The following SLC49A4 variants were observed in gnomAD, a reference collection of about 807,000 sequenced individuals.
SLC49A4 encodes disrupted in renal cancer protein 2.
In SLC49A4, 36 loss-of-function variants were observed where a neutral mutation model predicts 50.6. The ratio of observed to expected loss-of-function variants is 0.71; its 90% CI spans 0.55 to 0.94. The LOEUF (loss-of-function observed/expected upper bound fraction) is 0.94, where lower values mean the gene tolerates loss of function less well. SLC49A4 is among the 40% of genes least tolerant of loss of function. SLC49A4 has a pLI of 0.00. For missense variants in SLC49A4, 503 were observed against 605.7 expected, an observed-to-expected ratio of 0.83 and a Z score of 1.78; for synonymous variants, 248 against 241.2, an observed-to-expected ratio of 1.03 and a Z score of -0.26.
intron 3 of SLC49A4, among the ~76,000 whole-genome samples, chr3:122,830,973 A>G (rs922982498): frequency 1.3e-5 from 2 of 152,158 alleles, no homozygotes; most frequent in African/African-American, 4.8e-5. Flanking sequence ...AAAGGACTCA[A>G]ACACATTTCT....
At chr3:122,876,905 G>A (rs1937274151) in intron 8 of SLC49A4, among the ~76,000 whole-genome samples, 1 of 152,198 alleles carries the variant, frequency 6.6e-6, no homozygotes, top group South Asian at 2.1e-4. Context: ...TCCGACTGCT[G>A]TGTAGTAGAC....
At chr3:122,856,468 G>T in intron 6 of SLC49A4, 94 bp downstream of exon 6, 1 of 1,202,086 alleles carries the variant, frequency 8.3e-7, no homozygotes. Flanking sequence ...ACAATTCAGG[G>T]AAAAGTAAAA....
At chr3:122,876,874 A>C (rs1937273865) in intron 8 of SLC49A4, among the ~76,000 whole-genome samples, 1 of 152,202 alleles carries the variant, frequency 6.6e-6, no homozygotes, top group South Asian at 2.1e-4. Context: ...TGTCTAAACT[A>C]TAAGTTGGCA....
chr3:122,816,083 ATT>A (rs1429164546), intron 2 of SLC49A4, among the ~76,000 whole-genome samples: 2 of 152,010 alleles, frequency 1.3e-5, no homozygotes, highest in Admixed American at 6.6e-5. Flanking sequence ...CCCATCCCAG[ATT>A]TTCTCAATTT....
intron 4 of SLC49A4, among the ~76,000 whole-genome samples, chr3:122,843,288 C>A (rs1194570427): frequency 2.0e-5 from 3 of 151,608 alleles, no homozygotes; most frequent in Non-Finnish European, 4.4e-5. Flanking sequence ...CCCCATAAGT[C>A]GGTATCAACA....
chr3:122,796,607 C>T (rs746593289), intron 1 of SLC49A4, among the ~76,000 whole-genome samples: 8 of 152,170 alleles, frequency 5.3e-5, no homozygotes, highest in Non-Finnish European at 7.3e-5. Flanking sequence ...TTAGGGAATC[C>T]CTCTGAGGTC....
intron 5 of SLC49A4, 43 bp downstream of exon 5, chr3:122,845,914 A>G (rs1288566606): frequency 1.4e-6 from 2 of 1,419,292 alleles, no homozygotes; most frequent in African/African-American, 2.9e-5. Context: ...ATTTTTGTTC[A>G]TTTAATTTAT....
At chr3:122,813,042 G>A (rs2107559757) in intron 2 of SLC49A4, among the ~76,000 whole-genome samples, 1 of 152,214 alleles carries the variant, frequency 6.6e-6, no homozygotes, top group East Asian at 1.9e-4. Flanking sequence ...CTGAGGTCAG[G>A]AGTTTAAGAC....
At chr3:122,864,431 G>A (rs556986580) in intron 7 of SLC49A4, among the ~76,000 whole-genome samples, 3 of 152,192 alleles carry the variant, frequency 2.0e-5, no homozygotes, top group Non-Finnish European at 4.4e-5. Context: ...AAGTCATTTT[G>A]TACTGAACAG....
intron 2 of SLC49A4, among the ~76,000 whole-genome samples, chr3:122,822,290 T>C (rs571872397): frequency 1.3e-5 from 2 of 152,356 alleles, no homozygotes; most frequent in South Asian, 4.1e-4. Context: ...CTTTCATAAG[T>C]GCTTAGAAAG....
At chr3:122,848,032 A>C (rs966557362) in intron 5 of SLC49A4, among the ~76,000 whole-genome samples, 1 of 152,252 alleles carries the variant, frequency 6.6e-6, no homozygotes, top group Non-Finnish European at 1.5e-5. Flanking sequence ...GGATAGCCAC[A>C]TGAGACTAGC....
intron 6 of SLC49A4, among the ~76,000 whole-genome samples, 155 bp downstream of exon 6, chr3:122,856,529 T>A (rs1936991986): frequency 6.6e-6 from 1 of 152,216 alleles, no homozygotes; most frequent in Non-Finnish European, 1.5e-5. Flanking sequence ...AAAATTCATA[T>A]GCGTTATATA....
chr3:122,812,510 A>G (rs564347708), intron 2 of SLC49A4, among the ~76,000 whole-genome samples: 114 of 152,328 alleles, frequency 7.5e-4, no homozygotes, highest in Middle Eastern at 3.4e-3. Flanking sequence ...TTATTAAAAT[A>G]CAGATCCCAG....
At chr3:122,840,390 A>T (rs754761841) in intron 4 of SLC49A4, among the ~76,000 whole-genome samples, 1 of 152,250 alleles carries the variant, frequency 6.6e-6, no homozygotes, top group African/African-American at 2.4e-5. Context: ...TGAAATTTTT[A>T]AAAATTTGTT....
intron 1 of SLC49A4, 67 bp from the exon 2 acceptor site, chr3:122,806,790 A>G: frequency 1.0e-6 from 1 of 987,400 alleles, no homozygotes; most frequent in Non-Finnish European, 1.6e-6. Flanking sequence ...ACTAAAAATA[A>G]TCTTTATTTT....
At chr3:122,853,938 A>C (rs1315020615) in intron 5 of SLC49A4, among the ~76,000 whole-genome samples, 1 of 152,212 alleles carries the variant, frequency 6.6e-6, no homozygotes. Context: ...TAAATTTTTA[A>C]ATTAAGTATT....
intron 8 of SLC49A4, among the ~76,000 whole-genome samples, chr3:122,876,211 A>G (rs534125466): frequency 6.6e-6 from 1 of 152,208 alleles, no homozygotes; most frequent in Non-Finnish European, 1.5e-5. Context: ...ATGCTGTTGT[A>G]TCCTTTATGT....
At chr3:122,855,064 G>C (rs1485961938) in intron 5 of SLC49A4, among the ~76,000 whole-genome samples, 1 of 151,682 alleles carries the variant, frequency 6.6e-6, no homozygotes, top group Admixed American at 6.6e-5. Flanking sequence ...CTGCACTCCA[G>C]CCTGGGCGAC....
intron 1 of SLC49A4, among the ~76,000 whole-genome samples, chr3:122,798,805 T>C (rs1021876333): frequency 6.6e-6 from 1 of 151,486 alleles, no homozygotes; most frequent in South Asian, 2.1e-4. Context: ...GCCTGGCTAG[T>C]TTTTTGTATT....
Sources: allele counts gnomAD v4.1 joint callset (sites outside exome capture counted in the v4.1 genomes callset), GRCh38; gene constraint gnomAD v4.1.1; transcripts MANE v1.5; gene names NCBI Gene and HGNC (gene_info 2026-07-23, HGNC 2026-07-21).